Variants in ALDH4A1 observed in about 807,000 individuals in gnomAD.
ALDH4A1 encodes the protein aldehyde dehydrogenase 4 family member A1.
Under a neutral mutation model 70.5 loss-of-function variants are expected in ALDH4A1, and 46 were observed. That is an observed-to-expected ratio of 0.65 (90% confidence interval 0.51 to 0.83). ALDH4A1 has a LOEUF of 0.83. ALDH4A1 is among the 40% of genes least tolerant of loss of function. The probability of loss-of-function intolerance (pLI) is 0.00; values close to 1 mark genes in which losing one functional copy is unlikely to be tolerated. For missense variants in ALDH4A1, 749 were observed against 766.5 expected, an observed-to-expected ratio of 0.98 and a Z score of 0.27; for synonymous variants, 323 against 324.3, an observed-to-expected ratio of 1.00 and a Z score of 0.04.
intron 5 of ALDH4A1, chr1:18,885,193 G>A (rs918029694): frequency 2.0e-6 from 1 of 500,256 alleles, no homozygotes; most frequent in Non-Finnish European, 3.7e-6. Context: ...GCCACCACCA[G>A]TCCAGGCAAA....
At chr1:18,882,782 C>G in intron 7 of ALDH4A1, 6 of 589,410 alleles carry the variant, frequency 1.0e-5, no homozygotes, top group Non-Finnish European at 2.0e-5. Context: ...CACCAACACT[C>G]AGCCAGCTCC....
Position 18,885,536 on chromosome 1 carries a change from C to T in ALDH4A1, c.390G>A (p.Lys130=), listed in dbSNP as rs1025214064. ...PIADRAQIFL[K]AADMLSGPRR... Reference sequence around the variant, plus strand: ...GCGGCCCACTCAGCATGTCTGCCGCCTTCAGGAAGATCTGGGCCCGGTCTG... The same window carrying T: ...GCGGCCCACTCAGCATGTCTGCCGCTTTCAGGAAGATCTGGGCCCGGTCTG... The change falls in exon 5 of 15, where the codon AAG becomes AAA. Residue 130 remains lysine, a synonymous_variant. Transcript: ENST00000375341. 6.2e-7 allele frequency: 1 copy of T among 1,609,306 alleles called. No homozygotes were observed. Among genetic ancestry groups the T allele is most frequent in the African/African-American group, 1.3e-5 (1 of 74,774 alleles).
rs747718272 is a variant in ALDH4A1, at chr1:18,875,452, T to G, written c.1390A>C (p.Lys464Gln). The change falls in exon 13 of 15, where the codon AAG becomes CAG. Residue 464 changes from lysine to glutamine, a missense_variant. Lys to Gln is a moderately conservative substitution (Grantham distance 53). Transcript: ENST00000375341. ...CTGTCAACCAGCTGCAGCGTCTCCT[T>G]GTACTTGTCATCCGGGTAGACGTAC... ...SVYVYPDDKY[K>Q]ETLQLVDSTT... 1 of 1,614,130 alleles carries G rather than the reference T, an allele frequency of 6.2e-7. No individual in the cohort carries two copies. The highest frequency in any genetic ancestry group is 1.1e-5 in the South Asian group (1 of 91,084).
intron 5 of ALDH4A1, 37 bp downstream of exon 5, chr1:18,885,436 A>ACCCCCCCCCCCCCCCCCCGG: frequency 2.6e-6 from 1 of 386,872 alleles, no homozygotes; most frequent in Non-Finnish European, 4.3e-6. Context: ...CTCCCACCCC[A>ACCCCCCCCCCCCCCCCCCGG]CCCCGCCCCA....
intron 1 of ALDH4A1, among the ~76,000 whole-genome samples, chr1:18,891,410 C>T (rs534118223): frequency 6.6e-6 from 1 of 152,216 alleles, no homozygotes; most frequent in South Asian, 2.1e-4. Flanking sequence ...TCCAGAAGGC[C>T]CAGATACCAT....
chr1:18,890,146 A>G, intron 1 of ALDH4A1, 41 bp from the exon 2 acceptor site: 2 of 1,535,072 alleles, frequency 1.3e-6, no homozygotes, highest in Non-Finnish European at 1.8e-6. Flanking sequence ...AGAGGTCAGC[A>G]GCGGCCCCAC....
At chr1:18,901,994 C>T (rs918584466) in intron 1 of ALDH4A1, among the ~76,000 whole-genome samples, 6 of 149,654 alleles carry the variant, frequency 4.0e-5, no homozygotes, top group African/African-American at 1.5e-4. Context: ...GGTAGAAATC[C>T]TGGTAGAAGG....
intron 1 of ALDH4A1, among the ~76,000 whole-genome samples, chr1:18,893,594 C>T (rs923780163): frequency 2.0e-5 from 3 of 152,148 alleles, no homozygotes; most frequent in African/African-American, 7.2e-5. Context: ...CCTCCGCCTC[C>T]CGAATTCAAG....
chr1:18,886,601 A>C lies in ALDH4A1; in HGVS notation c.250-90T>G, dbSNP rs566949291. 7.6e-6 allele frequency: 11 copies of C among 1,439,604 alleles called. No individual in the cohort carries two copies. The South Asian group carries it at 1.3e-4, about 17-fold the overall frequency. The allele number at this position is 1,439,604 out of a possible 1,614,324, so 89.2% of individuals were successfully genotyped here. ...CTGGACTCAGAGCCGGTTTTCCAGGAAAGTCCTGGACACGCCTGCTGTCCC... is the reference window on the plus strand; with the variant it reads ...CTGGACTCAGAGCCGGTTTTCCAGGCAAGTCCTGGACACGCCTGCTGTCCC... On this transcript the variant is annotated intron_variant, in intron 3 of 14. Coordinates refer to ENST00000375341, the MANE Select transcript of ALDH4A1 (RefSeq NM_003748.4).
intron 1 of ALDH4A1, among the ~76,000 whole-genome samples, chr1:18,901,155 A>G (rs1935784317): frequency 6.6e-6 from 1 of 152,152 alleles, no homozygotes; most frequent in South Asian, 2.1e-4. Flanking sequence ...AGTGCAGGGA[A>G]GGCCTGCAAA....
intron 1 of ALDH4A1, chr1:18,900,822 T>C (rs1935774019): frequency 4.1e-6 from 4 of 978,638 alleles, no homozygotes; most frequent in Non-Finnish European, 4.9e-6. Context: ...CAGTCATATA[T>C]CTCTGATGGC....
At chr1:18,893,724 G>A (rs1935523024) in intron 1 of ALDH4A1, among the ~76,000 whole-genome samples, 1 of 152,150 alleles carries the variant, frequency 6.6e-6, no homozygotes, top group South Asian at 2.1e-4. Flanking sequence ...GGCTGGTCTC[G>A]AACTCCTGAC....
chr1:18,881,676 C>T (rs1416259993), intron 8 of ALDH4A1, 24 bp downstream of exon 8: 4 of 1,613,534 alleles, frequency 2.5e-6, no homozygotes, highest in Non-Finnish European at 3.4e-6. Flanking sequence ...GCCACCACAG[C>T]CTACACCATC....
At position 18,881,700 on chromosome 1, in the gene ALDH4A1, G is replaced by A. The variant is rs150113425; in HGVS notation, c.866C>T (p.Pro289Leu). The change falls in exon 8 of 15, where the codon CCC becomes CTC. Residue 289 changes from proline to leucine, a missense_variant and splice_region_variant. Physicochemically the swap from Pro to Leu is moderately conservative, Grantham distance 98. Coordinates refer to ENST00000375341, the MANE Select transcript of ALDH4A1 (RefSeq NM_003748.4). ...GCCTACACCATCCCCAGGGACTTAC[G>A]GCACACTGCCTGTGAAGTTGATGCC... ...LCGINFTGSV[P>L]TFKHLWKQVA... 1.2e-5 allele frequency: 20 copies of A among 1,613,906 alleles called. No homozygotes were observed. Among genetic ancestry groups the A allele is most frequent in the Middle Eastern group, 1.6e-4 (1 of 6,084 alleles).
intron 5 of ALDH4A1, among the ~76,000 whole-genome samples, chr1:18,884,033 T>C (rs1482706710): frequency 6.6e-6 from 1 of 152,190 alleles, no homozygotes; most frequent in African/African-American, 2.4e-5. Flanking sequence ...CTTTTCCAGA[T>C]TGACGTGGCC....
chr1:18,896,757 G>T (rs898147448), intron 1 of ALDH4A1, among the ~76,000 whole-genome samples: 1 of 152,152 alleles, frequency 6.6e-6, no homozygotes, highest in Non-Finnish European at 1.5e-5. Flanking sequence ...GCTGGACATG[G>T]TGGCACATGC....
At chr1:18,892,240 G>A (rs1258269497) in intron 1 of ALDH4A1, among the ~76,000 whole-genome samples, 3 of 152,120 alleles carry the variant, frequency 2.0e-5, no homozygotes, top group Admixed American at 6.5e-5. Flanking sequence ...CCAAAGGAGT[G>A]TGGCCAGGCC....
Position 18,877,607 on chromosome 1 carries a change from C to T in ALDH4A1, c.946G>A (p.Gly316Ser), listed in dbSNP as rs1490526525. 10 of 1,608,640 alleles carry T rather than the reference C, an allele frequency of 6.2e-6. No homozygotes were observed. The highest frequency in any genetic ancestry group is 2.1e-4 in the Middle Eastern group (1 of 4,712). ...TGCACGAAGTGGAAGTTCTTTCCGC[C>T]GCACTCTACAGGGGTCGGGGGTGGG... The part of the protein sequence containing the change: ...HTFPRLAGEC[G>S]GKNFHFVHRS... The change falls in exon 10 of 15, where the codon GGC becomes AGC. Residue 316 changes from glycine to serine, a missense_variant. Gly to Ser is a moderately conservative substitution (Grantham distance 56, BLOSUM62 0). Transcript: ENST00000375341.
At chr1:18,887,317 T>C (rs116032049) in intron 3 of ALDH4A1, among the ~76,000 whole-genome samples, 10,793 of 152,268 alleles carry the variant, frequency 0.071, 644 homozygotes, top group African/African-American at 0.16. Context: ...ACTTCCCTGT[T>C]GGCCGGGCGC....
Sources: allele counts gnomAD v4.1 joint callset (sites outside exome capture counted in the v4.1 genomes callset), GRCh38; gene constraint gnomAD v4.1.1; transcripts MANE v1.5; gene names NCBI Gene and HGNC (gene_info 2026-07-23, HGNC 2026-07-21).